DSCAM: variants seen among roughly 807,000 people sequenced by gnomAD.
DSCAM encodes the protein DS cell adhesion molecule, also known as cell adhesion molecule DSCAM.
DSCAM carries 47 observed loss-of-function variants against 217.7 expected under a neutral mutation model. The observed-to-expected ratio is 0.22, with a 90% CI of 0.17 to 0.28. The LOEUF (loss-of-function observed/expected upper bound fraction) is 0.28, where lower values mean the gene tolerates loss of function less well. DSCAM is among the 10% of genes least tolerant of loss of function. The pLI is 1.00. For synonymous variants in DSCAM, 1,056 were observed against 1,015.3 expected, an observed-to-expected ratio of 1.04 and a Z score of -0.76; for missense variants, 2,080 against 2,618.3, an observed-to-expected ratio of 0.79 and a Z score of 4.49.
intron 27 of DSCAM, among the ~76,000 whole-genome samples, chr21:40,068,889 C>G (rs1322917865): frequency 6.6e-6 from 1 of 151,928 alleles, no homozygotes; most frequent in Non-Finnish European, 1.5e-5. Context: ...AGTTCGAGAC[C>G]AGCCTGACCA....
At chr21:40,611,857 T>C (rs961060020) in intron 3 of DSCAM, among the ~76,000 whole-genome samples, 1 of 138,744 alleles carries the variant, frequency 7.2e-6, no homozygotes, top group African/African-American at 2.7e-5. Context: ...GAAGCTTGAC[T>C]GCACCCATGG....
chr21:40,370,808 G>A (rs1201037209), intron 3 of DSCAM, among the ~76,000 whole-genome samples: 5 of 151,830 alleles, frequency 3.3e-5, no homozygotes, highest in African/African-American at 1.2e-4. Flanking sequence ...TTTTTATAGA[G>A]ACGAGATCTC....
At chr21:40,413,771 G>A (rs1222777707) in intron 3 of DSCAM, among the ~76,000 whole-genome samples, 1 of 152,206 alleles carries the variant, frequency 6.6e-6, no homozygotes, top group Non-Finnish European at 1.5e-5. Flanking sequence ...AGGGACCTAA[G>A]GAGCTGATTA....
intron 3 of DSCAM, among the ~76,000 whole-genome samples, chr21:40,431,132 G>A (rs2145895406): frequency 6.6e-6 from 1 of 152,296 alleles, no homozygotes; most frequent in East Asian, 1.9e-4. Context: ...TCATTTAAAA[G>A]GGCTGATGTT....
intron 8 of DSCAM, among the ~76,000 whole-genome samples, chr21:40,327,558 C>T (rs1014434566): frequency 6.6e-6 from 1 of 150,944 alleles, no homozygotes; most frequent in South Asian, 2.1e-4. Flanking sequence ...TGCCTAATTG[C>T]TTTGGCTGAG....
Position 40,013,322 on chromosome 21 carries a change from G to T in DSCAM, c.5751C>A (p.Gly1917=), listed in dbSNP as rs1480505667. Residue 1917 remains glycine (G), a synonymous_variant, in exon 33 of 33, where the codon GGC becomes GGA. Coordinates refer to ENST00000400454, the MANE Select transcript of DSCAM (RefSeq NM_001389.5). ...MDFLLNRGGP[G]TSRDLSLGQA... ...GTCCTAAGCTCAGGTCCCTGCTGGT[G>T]CCTGGACCACCTCGGTTTAACAAAA... 4 of 1,609,558 alleles carry T rather than the reference G, an allele frequency of 2.5e-6. No individual in the cohort carries two copies. The highest frequency in any genetic ancestry group is 1.7e-5 in the Admixed American group (1 of 59,220).
At chr21:40,323,306 A>C (rs1601550947) in intron 8 of DSCAM, among the ~76,000 whole-genome samples, 1 of 152,304 alleles carries the variant, frequency 6.6e-6, no homozygotes, top group African/African-American at 2.4e-5. Context: ...GGTTTGTTTC[A>C]TCTACAGCAA....
intron 3 of DSCAM, among the ~76,000 whole-genome samples, chr21:40,508,158 T>A (rs2076224361): frequency 6.6e-6 from 1 of 152,166 alleles, no homozygotes; most frequent in Non-Finnish European, 1.5e-5. Flanking sequence ...TTTATTTAAT[T>A]TCTGACTCAC....
At chr21:40,325,026 A>G (rs988972216) in intron 8 of DSCAM, among the ~76,000 whole-genome samples, 1 of 151,616 alleles carries the variant, frequency 6.6e-6, no homozygotes, top group Non-Finnish European at 1.5e-5. Flanking sequence ...TATTTTTCCA[A>G]TTAGTTTTTT....
At chr21:40,549,001 C>T (rs994022293) in intron 3 of DSCAM, among the ~76,000 whole-genome samples, 1 of 152,090 alleles carries the variant, frequency 6.6e-6, no homozygotes, top group African/African-American at 2.4e-5. Context: ...CTCAGGAGTT[C>T]GAGACCAGCC....
At chr21:40,180,352 C>A (rs760492568) in intron 14 of DSCAM, among the ~76,000 whole-genome samples, 10 of 152,114 alleles carry the variant, frequency 6.6e-5, no homozygotes, top group Admixed American at 1.3e-4. Context: ...GATACTGTAA[C>A]TTCTCAGAGA....
intron 24 of DSCAM, among the ~76,000 whole-genome samples, chr21:40,082,542 C>G: frequency 1.3e-5 from 1 of 76,180 alleles, no homozygotes; most frequent in East Asian, 4.2e-4. Context: ...GCAGCTGGGT[C>G]CTTGCAAGCT....
At chr21:40,561,632 G>A (rs1048259881) in intron 3 of DSCAM, among the ~76,000 whole-genome samples, 2 of 152,154 alleles carry the variant, frequency 1.3e-5, no homozygotes, top group Non-Finnish European at 2.9e-5. Flanking sequence ...CGTGGGGTTT[G>A]TGAAGGTTTT....
intron 1 of DSCAM, among the ~76,000 whole-genome samples, chr21:40,813,803 C>A (rs1386465544): frequency 1.3e-5 from 2 of 151,932 alleles, no homozygotes; most frequent in African/African-American, 4.8e-5. Context: ...CCCGCCACCA[C>A]ACCCGGCTAA....
intron 1 of DSCAM, among the ~76,000 whole-genome samples, chr21:40,784,985 T>TA (rs1438689736): frequency 2.0e-5 from 3 of 152,230 alleles, no homozygotes; most frequent in Non-Finnish European, 4.4e-5. Context: ...TATATCCATT[T>TA]AAAATATACC....
At chr21:40,222,868 T>C (rs1198104744) in intron 11 of DSCAM, among the ~76,000 whole-genome samples, 4 of 152,230 alleles carry the variant, frequency 2.6e-5, no homozygotes, top group East Asian at 1.9e-4. Flanking sequence ...TGTCCTTCTA[T>C]ATAATTGAGA....
At chr21:40,354,572 G>A (rs1030827909) in intron 4 of DSCAM, among the ~76,000 whole-genome samples, 9 of 151,866 alleles carry the variant, frequency 5.9e-5, no homozygotes, top group Admixed American at 2.0e-4. Context: ...ACACTAGGCC[G>A]GGCATGGTGG....
intron 3 of DSCAM, among the ~76,000 whole-genome samples, chr21:40,536,414 T>G (rs2076497003): frequency 1.3e-5 from 2 of 151,010 alleles, no homozygotes; most frequent in Non-Finnish European, 1.5e-5. Flanking sequence ...TTTTTTTTTT[T>G]TTTTTGAGAC....
rs757589785 is a variant in DSCAM, at chr21:40,673,597, A to C, written c.508+19213T>G. On this transcript the variant is annotated intron_variant, in intron 3 of 32. Transcript: ENST00000400454. The stretch of plus-strand genomic sequence containing the variant: ...CTGTGTCACTGCCCAGCTGTCATGT[A>C]GAACTGTAATCCCTAATGTTGGAAG... Among the ~76,000 whole-genome samples the C allele has an allele frequency of 3.9e-4, 59 of 152,308 alleles. 1 individual carries two copies. The highest frequency in any genetic ancestry group is 2.5e-3 in the Admixed American group (39 of 15,298).
Sources: allele counts gnomAD v4.1 joint callset (sites outside exome capture counted in the v4.1 genomes callset), GRCh38; gene constraint gnomAD v4.1.1; transcripts MANE v1.5; gene names NCBI Gene and HGNC (gene_info 2026-07-23, HGNC 2026-07-21).